Variants in SYT16 observed in about 807,000 individuals in gnomAD.
SYT16 encodes synaptotagmin-16.
Under a neutral mutation model 61.4 loss-of-function variants are expected in SYT16, and 42 were observed. The ratio of observed to expected loss-of-function variants is 0.68; its 90% confidence interval spans 0.53 to 0.89. The LOEUF is 0.89. Ranked by LOEUF, SYT16 falls within the 40% of genes least tolerant of loss-of-function variation. The pLI is 0.00. For synonymous variants in SYT16, 314 were observed against 302.3 expected (o/e 1.04, Z -0.40); for missense variants, 804 against 807.3 (o/e 1.00, Z 0.05).
chr14:62,069,793 C>T lies in SYT16; in HGVS notation c.714C>T (p.Gly238=), dbSNP rs367749495. ...CGTTGTTGACACACGGAGAAGATGG[C>T]ACAGAAGTATCTGCCTGCGAAGGTA... ...SRSLLTHGED[G]TEVSACEDLD... is the part of the protein sequence containing the mutation. The change falls in exon 4 of 8, where the codon GGC becomes GGT. Residue 238 remains glycine (G), a synonymous_variant. Coordinates refer to ENST00000683842, the MANE Select transcript of SYT16 (RefSeq NM_001367656.1). 184 of 1,613,810 alleles carry T rather than the reference C, an allele frequency of 1.1e-4. No individual in the cohort carries two copies. Among genetic ancestry groups the T allele is most frequent in the Non-Finnish European group, 1.5e-4 (176 of 1,179,890 alleles).
chr14:61,957,226 G>A (rs1285981794), intron 1 of SYT16, among the ~76,000 whole-genome samples: 1 of 151,584 alleles, frequency 6.6e-6, no homozygotes, highest in Non-Finnish European at 1.5e-5. Context: ...AGTCTTTAGG[G>A]TTTTCTACAT....
intron 1 of SYT16, among the ~76,000 whole-genome samples, chr14:61,889,037 A>G (rs2048023377): frequency 6.6e-6 from 1 of 152,072 alleles, no homozygotes; most frequent in African/African-American, 2.4e-5. Context: ...GCTGTTAAAG[A>G]AAAAAAAGAT....
At chr14:61,835,561 T>A (rs2046101954) in intron 1 of SYT16, among the ~76,000 whole-genome samples, 1 of 151,558 alleles carries the variant, frequency 6.6e-6, no homozygotes, top group Non-Finnish European at 1.5e-5. Context: ...CCCGGCCAGG[T>A]GACTTTTTTT....
chr14:62,038,291 T>C (rs573903009), intron 3 of SYT16, among the ~76,000 whole-genome samples: 6 of 150,744 alleles, frequency 4.0e-5, no homozygotes, highest in Non-Finnish European at 7.4e-5. Context: ...AGATACATGG[T>C]ACTCTTTCCT....
chr14:61,976,509 G>A (rs2051810321), intron 2 of SYT16, among the ~76,000 whole-genome samples: 1 of 152,108 alleles, frequency 6.6e-6, no homozygotes, highest in African/African-American at 2.4e-5. Flanking sequence ...TGAAATCTAG[G>A]CAGAGGTTCC....
chr14:61,909,836 G>A (rs2048860332), intron 1 of SYT16, among the ~76,000 whole-genome samples: 1 of 152,180 alleles, frequency 6.6e-6, no homozygotes, highest in African/African-American at 2.4e-5. Context: ...GAATGGCTAT[G>A]GCAGCACTTG....
intron 1 of SYT16, among the ~76,000 whole-genome samples, chr14:61,827,273 A>G (rs1424498424): frequency 2.6e-5 from 4 of 152,124 alleles, no homozygotes; most frequent in Non-Finnish European, 5.9e-5. Flanking sequence ...AGGCACCTAC[A>G]ATGACAGAAC....
chr14:62,078,106 GCTCTCT>G (rs138705547), intron 5 of SYT16, among the ~76,000 whole-genome samples: 9 of 137,536 alleles, frequency 6.5e-5, no homozygotes, highest in Non-Finnish European at 9.3e-5. Context: ...TTGTGCGCTT[GCTCTCT>G]CTCTCTCTCT....
At chr14:62,070,609 G>GTACA (rs762022563) in intron 4 of SYT16, among the ~76,000 whole-genome samples, 3 of 152,178 alleles carry the variant, frequency 2.0e-5, no homozygotes, top group Non-Finnish European at 2.9e-5. Context: ...AAACAGAACA[G>GTACA]TACACTATTT....
At chr14:62,045,560 T>C (rs1331236942) in intron 3 of SYT16, among the ~76,000 whole-genome samples, 1 of 152,160 alleles carries the variant, frequency 6.6e-6, no homozygotes, top group Admixed American at 6.5e-5. Context: ...CATTAACTCG[T>C]CATTTAACAT....
At chr14:62,035,720 T>TAATCTGAATTTCATGTA in intron 3 of SYT16, among the ~76,000 whole-genome samples, 1 of 152,336 alleles carries the variant, frequency 6.6e-6, no homozygotes, top group African/African-American at 2.4e-5. Flanking sequence ...AAAGCCCATT[T>TAATCTGAATTTCATGTA]AATCTGAATT....
intron 3 of SYT16, among the ~76,000 whole-genome samples, chr14:62,029,895 C>G (rs748309250): frequency 4.6e-5 from 7 of 152,114 alleles, no homozygotes; most frequent in Non-Finnish European, 1.0e-4. Flanking sequence ...TCTGTGTTTG[C>G]CTGTGTTTTC....
intron 1 of SYT16, among the ~76,000 whole-genome samples, chr14:61,962,859 A>T (rs1354253127): frequency 6.6e-6 from 1 of 151,962 alleles, no homozygotes; most frequent in South Asian, 2.1e-4. Flanking sequence ...TCTGGCTTCT[A>T]TTTATTAGTT....
chr14:62,017,649 T>C (rs1405340706), intron 3 of SYT16, among the ~76,000 whole-genome samples: 1 of 152,164 alleles, frequency 6.6e-6, no homozygotes, highest in Admixed American at 6.5e-5. Flanking sequence ...TTACAATATA[T>C]CTAAACTCAG....
intron 3 of SYT16, among the ~76,000 whole-genome samples, chr14:62,028,434 A>C (rs1046660735): frequency 2.6e-5 from 4 of 152,208 alleles, no homozygotes; most frequent in African/African-American, 9.7e-5. Flanking sequence ...AGAGCATTTA[A>C]ACTTACCAGG....
intron 3 of SYT16, among the ~76,000 whole-genome samples, chr14:62,047,525 G>A (rs1485570930): frequency 3.9e-5 from 6 of 152,118 alleles, no homozygotes; most frequent in African/African-American, 1.4e-4. Flanking sequence ...AATAGGAGTG[G>A]TGAGAGAGGG....
intron 1 of SYT16, among the ~76,000 whole-genome samples, chr14:61,915,495 C>T (rs1351131254): frequency 1.3e-5 from 2 of 151,992 alleles, no homozygotes; most frequent in African/African-American, 2.4e-5. Context: ...AAGTTTAGGA[C>T]AACTTTTTTT....
chr14:61,984,640 T>C (rs2052225990), intron 2 of SYT16, among the ~76,000 whole-genome samples: 1 of 152,142 alleles, frequency 6.6e-6, no homozygotes, highest in Non-Finnish European at 1.5e-5. Flanking sequence ...GTAAGTAAGA[T>C]TCCATGTCTT....
chr14:61,877,906 T>G (rs1211650136), intron 1 of SYT16, among the ~76,000 whole-genome samples: 1 of 152,212 alleles, frequency 6.6e-6, no homozygotes, highest in Non-Finnish European at 1.5e-5. Flanking sequence ...CCTTAATCCC[T>G]GGGTGTTTCT....
Sources: allele counts gnomAD v4.1 joint callset (sites outside exome capture counted in the v4.1 genomes callset), GRCh38; gene constraint gnomAD v4.1.1; transcripts MANE v1.5; gene names NCBI Gene and HGNC (gene_info 2026-07-23, HGNC 2026-07-21).